Variants in NUDCD3 observed in about 807,000 individuals in gnomAD.
NUDCD3 encodes NudC domain containing 3.
NUDCD3 carries 13 observed loss-of-function variants against 39.7 expected under a neutral mutation model. That is an observed-to-expected ratio of 0.33 (90% CI 0.21 to 0.52). NUDCD3 has a LOEUF of 0.52. Ranked by LOEUF, NUDCD3 falls within the 20% of genes least tolerant of loss-of-function variation. NUDCD3 has a pLI of 0.96. For missense variants in NUDCD3, 453 were observed against 458.1 expected (o/e 0.99, Z 0.10); for synonymous variants, 175 against 172.4 (o/e 1.02, Z -0.12).
At chr7:44,425,350 ATTAC>A (rs1186135000) in intron 3 of NUDCD3, among the ~76,000 whole-genome samples, 1 of 152,126 alleles carries the variant, frequency 6.6e-6, no homozygotes, top group Non-Finnish European at 1.5e-5. Context: ...ATAGAATGAA[ATTAC>A]TTACTTCACA....
chr7:44,412,526 CTA>C (rs1798946022), intron 3 of NUDCD3, among the ~76,000 whole-genome samples: 1 of 152,194 alleles, frequency 6.6e-6, no homozygotes, highest in Non-Finnish European at 1.5e-5. Flanking sequence ...ACAATTCATA[CTA>C]TGTTAGGCTG....
chr7:44,477,980 C>T (rs886587283), intron 2 of NUDCD3, among the ~76,000 whole-genome samples: 13 of 151,990 alleles, frequency 8.6e-5, no homozygotes, highest in Admixed American at 2.0e-4. Context: ...ATTACAGGCA[C>T]GCACCACCAC....
At position 44,484,957 on chromosome 7, in the gene NUDCD3, G is replaced by T. The variant is rs1254255962; in HGVS notation, c.509+11C>A. 2.5e-6 allele frequency: 4 copies of T among 1,577,720 alleles called. No individual in the cohort carries two copies. The highest frequency in any genetic ancestry group is 3.4e-6 in the Non-Finnish European group (4 of 1,162,482). Reference sequence around the variant, plus strand: ...CAAGAAAGAAGGAAGCTGCAAAGTAGAAATTCCCACCTGGGAAGAATTGGT... The same window carrying T: ...CAAGAAAGAAGGAAGCTGCAAAGTATAAATTCCCACCTGGGAAGAATTGGT... On this transcript the variant is annotated intron_variant, in intron 2 of 5. Transcript: ENST00000355451.
At chr7:44,458,845 A>G (rs935359891) in intron 2 of NUDCD3, among the ~76,000 whole-genome samples, 10 of 152,042 alleles carry the variant, frequency 6.6e-5, no homozygotes, top group African/African-American at 2.4e-4. Context: ...ATGTGTGTGC[A>G]TGCATACAAG....
chr7:44,392,438 C>T lies in NUDCD3; in HGVS notation c.834G>A (p.Glu278=). 1 of 1,614,174 alleles carries T rather than the reference C, an allele frequency of 6.2e-7. No homozygotes were observed. ...TGTCAATGTCGATGGGCTCTTCTCC[C>T]TCCAGGATGGCGTTCCACCAATACT... ...VGEYWWNAIL[E]GEEPIDIDKI... The change falls in exon 5 of 6, where the codon GAG becomes GAA. Residue 278 remains glutamate, a synonymous_variant. Transcript: ENST00000355451.
Position 44,380,904 on chromosome 7 carries a change from C to A in NUDCD3, c.*5107G>T, listed in dbSNP as rs1268307508. ...GACCCTTACCTGCCTGTGTCTTGCA[C>A]AAAGTGCACACTGGGAGGCAAGAGC... On this transcript the variant is annotated 3_prime_UTR_variant, in exon 6 of 6. Transcript: ENST00000355451. 6.6e-6 allele frequency: 1 copy of A among 152,338 alleles called. No homozygotes were observed. Among genetic ancestry groups the A allele is most frequent in the Non-Finnish European group, 1.5e-5 (1 of 68,106 alleles). 9.4% of individuals were successfully genotyped at this position (152,338 alleles called of 1,614,324 possible).
chr7:44,426,004 T>A (rs1049925518), intron 3 of NUDCD3: 1 of 373,356 alleles, frequency 2.7e-6, no homozygotes, highest in African/African-American at 2.2e-5. Context: ...GCGCAATCGG[T>A]TAGCATGCGG....
intron 2 of NUDCD3, among the ~76,000 whole-genome samples, chr7:44,456,836 C>T (rs1446042050): frequency 2.0e-5 from 3 of 152,018 alleles, no homozygotes; most frequent in African/African-American, 4.8e-5. Context: ...GGGAATATTT[C>T]CAACCTTAAG....
At chr7:44,428,161 G>A (rs1212252679) in intron 2 of NUDCD3, among the ~76,000 whole-genome samples, 10 of 148,262 alleles carry the variant, frequency 6.7e-5, no homozygotes, top group African/African-American at 1.2e-4. Context: ...GAGGCCAGGC[G>A]TGGTGACTCA....
intron 3 of NUDCD3, among the ~76,000 whole-genome samples, chr7:44,417,425 G>C (rs1237591824): frequency 6.6e-6 from 1 of 152,202 alleles, no homozygotes; most frequent in South Asian, 2.1e-4. Context: ...AAAGTATGGT[G>C]AAAGCTGTTA....
At chr7:44,400,753 T>C (rs1690535379) in intron 4 of NUDCD3, among the ~76,000 whole-genome samples, 1 of 152,218 alleles carries the variant, frequency 6.6e-6, no homozygotes, top group Non-Finnish European at 1.5e-5. Context: ...GGTGGTTATA[T>C]CATTCATCTC....
At chr7:44,454,967 A>C (rs558535147) in intron 2 of NUDCD3, among the ~76,000 whole-genome samples, 44 of 149,378 alleles carry the variant, frequency 2.9e-4, no homozygotes, top group East Asian at 2.0e-3. Context: ...ACACACACAC[A>C]CCCTTTCTTT....
intron 1 of NUDCD3, among the ~76,000 whole-genome samples, chr7:44,489,449 A>G (rs189942294): frequency 2.3e-4 from 35 of 152,388 alleles, no homozygotes; most frequent in African/African-American, 6.7e-4. Context: ...TGCAGCATGC[A>G]TTAAGACTTC....
intron 2 of NUDCD3, among the ~76,000 whole-genome samples, chr7:44,459,869 G>A (rs181024338): frequency 3.2e-4 from 49 of 152,234 alleles, no homozygotes; most frequent in African/African-American, 1.0e-3. Flanking sequence ...AAAATTTAAC[G>A]AGAACAAAAC....
intron 2 of NUDCD3, among the ~76,000 whole-genome samples, chr7:44,449,951 T>A (rs1019512551): frequency 1.3e-5 from 2 of 151,494 alleles, no homozygotes; most frequent in Middle Eastern, 6.4e-3. Flanking sequence ...ATCCAAAGAC[T>A]GGGAGAAAAT....
intron 2 of NUDCD3, among the ~76,000 whole-genome samples, chr7:44,448,428 GC>G (rs1185823725): frequency 1.3e-5 from 2 of 152,130 alleles, no homozygotes; most frequent in Non-Finnish European, 2.9e-5. Flanking sequence ...TGCCCGAGGC[GC>G]CGGAGAGATA....
At chr7:44,486,537 T>C (rs765312813) in intron 1 of NUDCD3, among the ~76,000 whole-genome samples, 4 of 151,700 alleles carry the variant, frequency 2.6e-5, no homozygotes, top group Non-Finnish European at 4.4e-5. Context: ...AAAAAATCAA[T>C]AAAATCCTAA....
At chr7:44,484,270 G>C (rs144835471) in intron 2 of NUDCD3, among the ~76,000 whole-genome samples, 1 of 152,324 alleles carries the variant, frequency 6.6e-6, no homozygotes, top group Non-Finnish European at 1.5e-5. Context: ...AGGAAGGACT[G>C]TATAACTAAG....
chr7:44,475,981 T>C lies in NUDCD3; in HGVS notation c.509+8987A>G, dbSNP rs142846362. ...CGATAATAGCTAGTATCTACTTGAG[T>C]GCACACTCTGTCAGGAATCATGCTA... is the stretch of plus-strand genomic sequence containing the variant. On this transcript the variant is annotated intron_variant, in intron 2 of 5. Transcript: ENST00000355451. Among the ~76,000 whole-genome samples the C allele has an allele frequency of 6.6e-4, 101 of 152,244 alleles. 1 individual carries two copies. The highest frequency in any genetic ancestry group is 3.4e-3 in the Middle Eastern group (1 of 294).
Sources: allele counts gnomAD v4.1 joint callset (sites outside exome capture counted in the v4.1 genomes callset), GRCh38; gene constraint gnomAD v4.1.1; transcripts MANE v1.5; gene names NCBI Gene and HGNC (gene_info 2026-07-23, HGNC 2026-07-21).